The following SASH1 variants were observed in gnomAD, a reference collection of about 807,000 sequenced individuals.
SASH1 encodes the protein SAM and SH3 domain-containing protein 1.
In SASH1, 44 loss-of-function variants were observed where a neutral mutation model predicts 125.2. The observed-to-expected ratio is 0.35, with a 90% CI of 0.28 to 0.45. The LOEUF is 0.45. Ranked by LOEUF, SASH1 falls within the 20% of genes least tolerant of loss-of-function variation. The pLI, the probability that SASH1 is intolerant of heterozygous loss-of-function variation, is 1.00. For missense variants in SASH1, 1,426 were observed against 1,614.5 expected (o/e 0.88, Z 2.00); for synonymous variants, 639 against 649.1 (o/e 0.98, Z 0.24).
In SASH1 at chr6:148,366,583, G is replaced by A. The variant is rs567718982; in HGVS notation, c.156+23360G>A. On this transcript the variant is annotated intron_variant, in intron 1 of 19. Transcript: ENST00000367467. ...CATTTGTAAAACTAAAAGAAAATAG[G>A]GATTCCATTTGTTTTGTTTGTTTGT... Among the ~76,000 whole-genome samples, 3 of 152,120 alleles carry A rather than the reference G, an allele frequency of 2.0e-5. 1 individual carries two copies. The South Asian group carries it at 6.2e-4, about 32-fold the overall frequency.
intron 2 of SASH1, among the ~76,000 whole-genome samples, chr6:148,426,831 T>G (rs1396634621): frequency 6.6e-6 from 1 of 152,150 alleles, no homozygotes; most frequent in African/African-American, 2.4e-5. Context: ...AGCAACTGGA[T>G]GTACTCAGAA....
At chr6:148,513,599 G>A in intron 8 of SASH1, 1 of 985,640 alleles carries the variant, frequency 1.0e-6, no homozygotes, top group South Asian at 4.7e-5. Flanking sequence ...GAAAACAGCT[G>A]GGCCTGAGCA....
intron 1 of SASH1, chr6:148,280,338 T>C (rs2128505380): frequency 6.6e-6 from 1 of 152,074 alleles, no homozygotes; most frequent in South Asian, 2.1e-4. Context: ...TGGCAGCTAT[T>C]CACCTGTCAG....
chr6:148,443,825 A>G (rs1383725069), intron 4 of SASH1, among the ~76,000 whole-genome samples: 1 of 152,208 alleles, frequency 6.6e-6, no homozygotes, highest in African/African-American at 2.4e-5. Flanking sequence ...GAAGATGCAA[A>G]TAGACAATCT....
At chr6:148,343,245 C>T (rs1781402614) in intron 1 of SASH1, 22 bp downstream of exon 1, 3 of 1,574,286 alleles carry the variant, frequency 1.9e-6, no homozygotes. Context: ...GGGGAGGGGG[C>T]GGCGCAGGAA....
the SASH1 span, among the ~76,000 whole-genome samples, chr6:148,258,945 G>A: frequency 6.6e-6 from 1 of 152,166 alleles, no homozygotes; most frequent in African/African-American, 2.4e-5. Flanking sequence ...CCTGAAAGTT[G>A]TTATAAGAGA....
chr6:148,307,096 C>CTT (rs1227666861), intron 1 of SASH1, among the ~76,000 whole-genome samples: 4 of 133,876 alleles, frequency 3.0e-5, no homozygotes, highest in South Asian at 2.3e-4. Flanking sequence ...TTCTTTCTTT[C>CTT]TCTCTCTCTG....
At chr6:148,511,833 C>T (rs978505818) in intron 8 of SASH1, among the ~76,000 whole-genome samples, 1 of 151,884 alleles carries the variant, frequency 6.6e-6, no homozygotes, top group Admixed American at 6.6e-5. Flanking sequence ...TTTTTCTATA[C>T]CCCATTTCTC....
chr6:148,241,855 G>A, the SASH1 span, among the ~76,000 whole-genome samples: 1 of 152,172 alleles, frequency 6.6e-6, no homozygotes, highest in Non-Finnish European at 1.5e-5. Context: ...GATTCCAGTA[G>A]ATCATACATT....
intron 4 of SASH1, among the ~76,000 whole-genome samples, chr6:148,450,644 T>C (rs1358433007): frequency 6.6e-6 from 1 of 152,008 alleles, no homozygotes; most frequent in Non-Finnish European, 1.5e-5. Context: ...GCTTCTCGGG[T>C]GATGTCTATG....
intron 2 of SASH1, among the ~76,000 whole-genome samples, chr6:148,421,146 G>GAAGGAAGGAAGGAAGGAAGGAAGGAAGA (rs1554254949): frequency 1.4e-5 from 1 of 71,192 alleles, no homozygotes; most frequent in African/African-American, 4.9e-5. Context: ...AGGAAGGAAG[G>GAAGGAAGGAAGGAAGGAAGGAAGGAAGA]AAGAAAGAAA....
intron 1 of SASH1, among the ~76,000 whole-genome samples, chr6:148,297,571 C>T (rs189309549): frequency 4.6e-5 from 7 of 152,276 alleles, no homozygotes; most frequent in South Asian, 4.1e-4. Flanking sequence ...TGGCGGCTTA[C>T]GCCTGTAGCA....
intron 8 of SASH1, chr6:148,508,541 T>C (rs1779934111): frequency 9.6e-7 from 1 of 1,036,462 alleles, no homozygotes; most frequent in Non-Finnish European, 1.2e-6. Context: ...ACTCCCTTTT[T>C]TCCTTGTGGT....
chr6:148,489,416 G>C (rs1583243200), intron 8 of SASH1, among the ~76,000 whole-genome samples: 1 of 152,094 alleles, frequency 6.6e-6, no homozygotes, highest in Non-Finnish European at 1.5e-5. Context: ...CTCCGATTTT[G>C]TTCTAGTTTT....
chr6:148,476,229 T>C (rs1181247242), intron 7 of SASH1, among the ~76,000 whole-genome samples: 1 of 128,178 alleles, frequency 7.8e-6, no homozygotes, highest in Non-Finnish European at 1.6e-5. Flanking sequence ...AAGTGAAAGC[T>C]CTCTATAATG....
chr6:148,322,081 T>G (rs1780646421), intron 1 of SASH1, among the ~76,000 whole-genome samples: 1 of 152,190 alleles, frequency 6.6e-6, no homozygotes, highest in Non-Finnish European at 1.5e-5. Context: ...CCGGGCACAG[T>G]GGCCCATGCC....
the SASH1 span, among the ~76,000 whole-genome samples, chr6:148,219,298 G>A: frequency 6.6e-6 from 1 of 151,972 alleles, no homozygotes; most frequent in Non-Finnish European, 1.5e-5. Context: ...CTTAAACTTT[G>A]CAGTAACGTT....
chr6:148,442,158 G>A (rs1311971791), intron 4 of SASH1, among the ~76,000 whole-genome samples: 1 of 152,112 alleles, frequency 6.6e-6, no homozygotes, highest in Non-Finnish European at 1.5e-5. Context: ...AGGCTGAGGT[G>A]GGAGGATCAC....
chr6:148,387,613 T>TTCC lies in SASH1; in HGVS notation c.157-2520_157-2519insCCT, dbSNP rs1554249370. Among the ~76,000 whole-genome samples, 26 of 34,550 alleles carry TTCC rather than the reference T, an allele frequency of 7.5e-4. 2 individuals are homozygous for TTCC. The highest frequency in any genetic ancestry group is 3.0e-3 in the African/African-American group (22 of 7,254). The allele number at this position is 34,550 out of a possible 152,430, so 22.7% of individuals were successfully genotyped here. Reference sequence around the variant, plus strand: ...CTTTCTTTCTTTCTTTCTTTCTTTCTTTCTTTCTTTCTTTCTTTCTTTCTT... The same window carrying TTCC: ...CTTTCTTTCTTTCTTTCTTTCTTTCTTCCTTCTTTCTTTCTTTCTTTCTTTCTT... On this transcript the variant is annotated intron_variant, in intron 1 of 19. Coordinates refer to ENST00000367467, the MANE Select transcript of SASH1 (RefSeq NM_015278.5).
Sources: gnomAD v4.1 joint callset for allele counts (sites outside exome capture counted in the v4.1 genomes callset) on GRCh38, gnomAD v4.1.1 for gene constraint, MANE v1.5 for transcripts, NCBI Gene and HGNC (gene_info 2026-07-23, HGNC 2026-07-21) for gene names.